GNG13: variants seen among roughly 807,000 people sequenced by gnomAD.
GNG13 encodes the protein guanine nucleotide-binding protein G(I)/G(S)/G(O) subunit gamma-13.
Under a neutral mutation model 8.2 loss-of-function variants are expected in GNG13, and 12 were observed. That is an observed-to-expected ratio of 1.47 (90% confidence interval 0.94 to 2.38). The LOEUF is 2.38. Ranked by LOEUF, GNG13 falls within the 30% of genes most tolerant of loss-of-function variation. The probability of loss-of-function intolerance (pLI) is 0.00; values close to 1 mark genes in which losing one functional copy is unlikely to be tolerated. For synonymous variants in GNG13, 45 were observed against 33.0 expected (o/e 1.37, Z -1.25); for missense variants, 100 against 85.2 (o/e 1.17, Z -0.68).
In GNG13 at chr16:798,617, C is replaced by G; in HGVS notation, c.*102G>C. 3 of 812,560 alleles carry G rather than the reference C, an allele frequency of 3.7e-6. No homozygotes were observed. Among genetic ancestry groups the G allele is most frequent in the East Asian group, 2.5e-5 (1 of 40,720 alleles). 50.3% of individuals were successfully genotyped at this position (812,560 alleles called of 1,614,324 possible). On this transcript the variant is annotated 3_prime_UTR_variant, in exon 3 of 3. Transcript: ENST00000248150. ...TGGGAGTGGGGCTGGGAGTGGGACT[C>G]ACAGGATGGAGTGAGTGGGGCTGGG... is the stretch of plus-strand genomic sequence containing the variant.
Position 799,053 on chromosome 16 carries a change from T to C in GNG13, c.25A>G (p.Met9Val), listed in dbSNP as rs780629342. 5.0e-6 allele frequency: 8 copies of C among 1,609,406 alleles called. No homozygotes were observed. The highest frequency in any genetic ancestry group is 6.8e-6 in the Non-Finnish European group (8 of 1,176,256). MEEWDVPQ[M>V]KKEVESLKYQ... ...TTGAGGCTCTCCACCTCTTTCTTCA[T>C]CTGTGGCACGTCCCACTCCTCCATG... The change falls in exon 2 of 3, where the codon ATG (methionine) becomes GTG (valine). Residue 9 changes from methionine (M) to valine (V), a missense_variant. Met to Val is a conservative substitution (Grantham distance 21). Coordinates refer to ENST00000248150, the MANE Select transcript of GNG13 (RefSeq NM_016541.3).
Position 798,050 on chromosome 16 carries a change from A to G in GNG13, c.*669T>C, listed in dbSNP as rs1209460894. The G allele has an allele frequency of 7.2e-6, 11 of 1,533,638 alleles. No individual in the cohort carries two copies. Among genetic ancestry groups the G allele is most frequent in the African/African-American group, 1.4e-5 (1 of 73,594 alleles). ...GACAGGAAGCTGGAGATGTCTTTAT[A>G]AAGTCACACCTTTACAGACTGTAAT... On this transcript the variant is annotated 3_prime_UTR_variant, in exon 3 of 3. Coordinates refer to ENST00000248150, the MANE Select transcript of GNG13 (RefSeq NM_016541.3).
intron 1 of GNG13, among the ~76,000 whole-genome samples, chr16:800,397 C>T (rs2042435882): frequency 6.6e-6 from 1 of 152,208 alleles, no homozygotes; most frequent in Non-Finnish European, 1.5e-5. Context: ...AGCCTGGCCA[C>T]CCACCCCGTG....
At chr16:799,143 A>G in intron 1 of GNG13, 32 bp from the exon 2 acceptor site, 1 of 915,838 alleles carries the variant, frequency 1.1e-6, no homozygotes, top group East Asian at 2.5e-5. Context: ...CACAGGGCCG[A>G]GGCCACCAGC....
intron 1 of GNG13, among the ~76,000 whole-genome samples, 152 bp downstream of exon 1, chr16:800,514 G>A (rs1033862864): frequency 6.6e-5 from 10 of 152,218 alleles, no homozygotes; most frequent in Admixed American, 6.5e-4. Flanking sequence ...CTCCCTGCCT[G>A]CAGCACCGGC....
rs1300734451 is a variant in GNG13, at chr16:798,649, CTTACAAGATGGTGG to C, written c.*56_*69del. ...TGGAGTGAGTGGGGCTGGGCACAGT[CTTACAAGATGGTGG>C]GAGTGGGGCCGGGCGTGGTCTCACA... On this transcript the variant is annotated 3_prime_UTR_variant, in exon 3 of 3. Coordinates refer to ENST00000248150, the MANE Select transcript of GNG13 (RefSeq NM_016541.3). 6.4e-5 allele frequency: 60 copies of C among 944,484 alleles called. No homozygotes were observed. In the Middle Eastern group the frequency reaches 1.7e-3, roughly 27 times the overall value. The allele number at this position is 944,484 out of a possible 1,614,324, so 58.5% of individuals were successfully genotyped here. A position where few individuals can be genotyped will look rare whatever the true frequency, so the allele number is the denominator to read the frequency against.
intron 1 of GNG13, among the ~76,000 whole-genome samples, 156 bp downstream of exon 1, chr16:800,510 G>A (rs1026478031): frequency 4.6e-5 from 7 of 152,202 alleles, no homozygotes; most frequent in African/African-American, 1.7e-4. Flanking sequence ...CCGCCTCCCT[G>A]CCTGCAGCAC....
At position 799,135 on chromosome 16, in the gene GNG13, C is replaced by T. The variant is rs969252162; in HGVS notation, c.-34-24G>A. On this transcript the variant is annotated intron_variant, in intron 1 of 2. Transcript: ENST00000248150. ...GGCTGGAGGGCACAGGAGGAAGCCA[C>T]AGGGCCGAGGCCACCAGCCTGTAGT... is the stretch of plus-strand genomic sequence containing the variant. 8 of 1,019,366 alleles carry T rather than the reference C, an allele frequency of 7.8e-6. No individual in the cohort carries two copies. The African/African-American group carries it at 1.1e-4, about 14-fold the overall frequency. 63.1% of individuals were successfully genotyped at this position (1,019,366 alleles called of 1,614,324 possible).
At chr16:799,811 G>T (rs567798587) in intron 1 of GNG13, among the ~76,000 whole-genome samples, 1 of 152,242 alleles carries the variant, frequency 6.6e-6, no homozygotes, top group East Asian at 1.9e-4. Flanking sequence ...GGCAAGTGGG[G>T]GTGGGTTGCC....
In GNG13 at chr16:798,047, T is replaced by C; in HGVS notation, c.*672A>G. On this transcript the variant is annotated 3_prime_UTR_variant, in exon 3 of 3. Coordinates refer to ENST00000248150, the MANE Select transcript of GNG13 (RefSeq NM_016541.3). Reference sequence around the variant, plus strand: ...AGAGACAGGAAGCTGGAGATGTCTTTATAAAGTCACACCTTTACAGACTGT... The same window carrying C: ...AGAGACAGGAAGCTGGAGATGTCTTCATAAAGTCACACCTTTACAGACTGT... 1 of 1,540,102 alleles carries C rather than the reference T, an allele frequency of 6.5e-7. No individual in the cohort carries two copies. Among genetic ancestry groups the C allele is most frequent in the Non-Finnish European group, 8.8e-7 (1 of 1,141,558 alleles).
intron 1 of GNG13, 43 bp from the exon 2 acceptor site, chr16:799,154 C>T (rs1308144293): frequency 2.4e-6 from 2 of 816,794 alleles, no homozygotes; most frequent in Non-Finnish European, 4.2e-6. Context: ...GGCCACCAGC[C>T]TGTAGTCCCC....
intron 1 of GNG13, among the ~76,000 whole-genome samples, chr16:800,182 G>A (rs1452108377): frequency 6.6e-6 from 1 of 152,156 alleles, no homozygotes; most frequent in Non-Finnish European, 1.5e-5. Context: ...TCAGGGTCAT[G>A]CAGAGGATTC....
chr16:798,058 A>G lies in GNG13; in HGVS notation c.*661T>C. 6.0e-6 allele frequency: 9 copies of G among 1,499,730 alleles called. No homozygotes were observed. Among genetic ancestry groups the G allele is most frequent in the South Asian group, 1.3e-5 (1 of 79,332 alleles). 92.9% of individuals were successfully genotyped at this position (1,499,730 alleles called of 1,614,324 possible). A position where few individuals can be genotyped will look rare whatever the true frequency, so the allele number is the denominator to read the frequency against. ...GCTGGAGATGTCTTTATAAAGTCACACCTTTACAGACTGTAATCACGTGCG... is the reference window on the plus strand; with the variant it reads ...GCTGGAGATGTCTTTATAAAGTCACGCCTTTACAGACTGTAATCACGTGCG... On this transcript the variant is annotated 3_prime_UTR_variant, in exon 3 of 3. Coordinates refer to ENST00000248150, the MANE Select transcript of GNG13 (RefSeq NM_016541.3).
intron 1 of GNG13, 34 bp from the exon 2 acceptor site, chr16:799,145 G>A: frequency 1.1e-6 from 1 of 898,640 alleles, no homozygotes; most frequent in South Asian, 1.3e-5. Context: ...CAGGGCCGAG[G>A]CCACCAGCCT....
intron 1 of GNG13, among the ~76,000 whole-genome samples, chr16:799,808 G>A (rs1009286681): frequency 6.6e-6 from 1 of 152,168 alleles, no homozygotes; most frequent in African/African-American, 2.4e-5. Flanking sequence ...CGAGGCAAGT[G>A]GGGGTGGGTT....
At chr16:799,727 C>T (rs1326339673) in intron 1 of GNG13, among the ~76,000 whole-genome samples, 2 of 152,050 alleles carry the variant, frequency 1.3e-5, no homozygotes, top group Admixed American at 1.3e-4. Context: ...ACACACGTTA[C>T]CTGCGTGCTT....
At chr16:799,766 C>T (rs1231371224) in intron 1 of GNG13, among the ~76,000 whole-genome samples, 2 of 152,134 alleles carry the variant, frequency 1.3e-5, no homozygotes, top group Admixed American at 1.3e-4. Flanking sequence ...GGGAAAGCCA[C>T]AGGTTGACAC....
chr16:798,494 A>C lies in GNG13; in HGVS notation c.*225T>G. The C allele has an allele frequency of 1.1e-5, 5 of 461,100 alleles. No individual in the cohort carries two copies. Among genetic ancestry groups the C allele is most frequent in the East Asian group, 4.4e-5 (1 of 22,756 alleles). The allele number at this position is 461,100 out of a possible 1,614,324, so 28.6% of individuals were successfully genotyped here. On this transcript the variant is annotated 3_prime_UTR_variant, in exon 3 of 3. Coordinates refer to ENST00000248150, the MANE Select transcript of GNG13 (RefSeq NM_016541.3). ...GAGTGGGACTCACAGGATGGAGTGA[A>C]TGGGGCTGGGCATAGTCTTACAAGA...
At position 799,023 on chromosome 16, in the gene GNG13, G is replaced by T; in HGVS notation, c.55C>A (p.Gln19Lys). 1 of 1,611,344 alleles carries T rather than the reference G, an allele frequency of 6.2e-7. No homozygotes were observed. The highest frequency in any genetic ancestry group is 1.1e-5 in the South Asian group (1 of 91,038). The change falls in exon 2 of 3, where the codon CAG becomes AAG. Residue 19 changes from glutamine to lysine, a missense_variant. Gln to Lys is a moderately conservative substitution (Grantham distance 53). Coordinates refer to ENST00000248150, the MANE Select transcript of GNG13 (RefSeq NM_016541.3). ...MKKEVESLKY[Q>K]LAFQREMASK... ...GCCATCTCCCGCTGGAAGGCCAGCT[G>T]GTACTTGAGGCTCTCCACCTCTTTC...
Sources: gnomAD v4.1 joint callset for allele counts (sites outside exome capture counted in the v4.1 genomes callset) on GRCh38, gnomAD v4.1.1 for gene constraint, MANE v1.5 for transcripts, NCBI Gene and HGNC (gene_info 2026-07-23, HGNC 2026-07-21) for gene names.